The following MAML3 variants were observed in gnomAD, a reference collection of about 807,000 sequenced individuals.
MAML3 encodes the protein mastermind-like protein 3.
MAML3 carries 27 observed loss-of-function variants against 101.9 expected under a neutral mutation model. The observed-to-expected ratio is 0.27, with a 90% CI of 0.20 to 0.37. The LOEUF (loss-of-function observed/expected upper bound fraction) is 0.37. MAML3 is among the 10% of genes least tolerant of loss of function. MAML3 has a pLI of 1.00. For missense variants in MAML3, 1,316 were observed against 1,444.9 expected (o/e 0.91, Z 1.45); for synonymous variants, 501 against 555.9 (o/e 0.90, Z 1.39).
intron 1 of MAML3, among the ~76,000 whole-genome samples, chr4:140,085,885 G>T (rs961757685): frequency 6.6e-6 from 1 of 152,054 alleles, no homozygotes; most frequent in African/African-American, 2.4e-5. Context: ...TTTTATATCT[G>T]TGGCCATTTG....
chr4:139,765,303 TTGC>T (rs1729836225), intron 2 of MAML3, among the ~76,000 whole-genome samples: 1 of 152,260 alleles, frequency 6.6e-6, no homozygotes, highest in Admixed American at 6.5e-5. Flanking sequence ...ATGAAATTAC[TTGC>T]TGTTTTAGGA....
intron 2 of MAML3, among the ~76,000 whole-genome samples, chr4:139,798,723 T>C (rs951624677): frequency 1.3e-5 from 2 of 152,218 alleles, no homozygotes; most frequent in Non-Finnish European, 1.5e-5. Context: ...GTACAGATGG[T>C]AGAAACCCTC....
chr4:139,720,469 A>C, intron 4 of MAML3, 146 bp from the exon 5 acceptor site: 1 of 787,744 alleles, frequency 1.3e-6, no homozygotes, highest in Non-Finnish European at 1.8e-6. Flanking sequence ...AAAAATGATT[A>C]TTTTTCTGAT....
intron 2 of MAML3, among the ~76,000 whole-genome samples, chr4:139,802,936 T>C (rs767603516): frequency 3.3e-5 from 5 of 152,256 alleles, no homozygotes; most frequent in Non-Finnish European, 5.9e-5. Flanking sequence ...AAATATCTTA[T>C]ACCTAATTTT....
chr4:140,129,763 G>A (rs571396805), intron 1 of MAML3, among the ~76,000 whole-genome samples: 23 of 152,124 alleles, frequency 1.5e-4, no homozygotes, highest in South Asian at 8.3e-4. Flanking sequence ...TCAAGAAATC[G>A]AGACCAGCCT....
intron 2 of MAML3, among the ~76,000 whole-genome samples, chr4:139,789,123 C>T (rs978422317): frequency 6.6e-6 from 1 of 152,136 alleles, no homozygotes; most frequent in East Asian, 1.9e-4. Context: ...CAGGCCAATT[C>T]GTTGTATTTG....
At chr4:139,869,259 A>G (rs1413346883) in intron 2 of MAML3, among the ~76,000 whole-genome samples, 1 of 152,250 alleles carries the variant, frequency 6.6e-6, no homozygotes, top group Admixed American at 6.5e-5. Context: ...CAGAAGGTAC[A>G]TGATACTGGG....
At chr4:139,783,277 T>A (rs1560793021) in intron 2 of MAML3, among the ~76,000 whole-genome samples, 1 of 152,216 alleles carries the variant, frequency 6.6e-6, no homozygotes, top group Non-Finnish European at 1.5e-5. Context: ...ATTTCTTTGC[T>A]CTAACCTCAT....
intron 1 of MAML3, among the ~76,000 whole-genome samples, chr4:139,947,204 T>A (rs1733747278): frequency 6.6e-6 from 1 of 152,204 alleles, no homozygotes; most frequent in Non-Finnish European, 1.5e-5. Flanking sequence ...TTTCTTAAAA[T>A]CTTCGGTAGA....
At chr4:139,781,596 C>T (rs1283767165) in intron 2 of MAML3, among the ~76,000 whole-genome samples, 5 of 151,288 alleles carry the variant, frequency 3.3e-5, no homozygotes, top group Admixed American at 2.7e-4. Context: ...CTGCATTAGG[C>T]AGGATTAACT....
At chr4:140,121,268 G>A (rs981733979) in intron 1 of MAML3, among the ~76,000 whole-genome samples, 3 of 152,118 alleles carry the variant, frequency 2.0e-5, no homozygotes, top group Non-Finnish European at 4.4e-5. Context: ...ACTTACCATG[G>A]CCAAGGTGAA....
rs185129581 is a variant in MAML3, at chr4:139,780,508, G to A, written c.2080-49841C>T. On this transcript the variant is annotated intron_variant, in intron 2 of 4. Transcript: ENST00000509479. ...CCAAACTCCAGAAGACAGGTGGAATGCTTTACCTTGTATTTTCCCCCTTTT... is the reference window on the plus strand; with the variant it reads ...CCAAACTCCAGAAGACAGGTGGAATACTTTACCTTGTATTTTCCCCCTTTT... 5.9e-5 allele frequency among the ~76,000 whole-genome samples: 9 copies of A among 152,170 alleles called. No individual in the cohort carries two copies. The East Asian group carries it at 1.7e-3, about 29-fold the overall frequency.
intron 1 of MAML3, among the ~76,000 whole-genome samples, chr4:139,935,026 C>CTTAA (rs2110732129): frequency 6.6e-6 from 1 of 152,204 alleles, no homozygotes; most frequent in Admixed American, 6.5e-5. Flanking sequence ...TTGCCAGCTA[C>CTTAA]TTAATGTCTT....
chr4:139,980,342 C>T (rs1734422648), intron 1 of MAML3, among the ~76,000 whole-genome samples: 1 of 152,204 alleles, frequency 6.6e-6, no homozygotes, highest in Admixed American at 6.5e-5. Flanking sequence ...TCTGCATACA[C>T]ACCTCCTTTG....
At chr4:140,108,305 C>T (rs1230602922) in intron 1 of MAML3, among the ~76,000 whole-genome samples, 2 of 151,926 alleles carry the variant, frequency 1.3e-5, no homozygotes, top group East Asian at 3.9e-4. Context: ...CAGGCTGTCC[C>T]CTGCTTCGTG....
chr4:139,904,149 GA>G (rs1732774945), intron 1 of MAML3, among the ~76,000 whole-genome samples: 1 of 152,214 alleles, frequency 6.6e-6, no homozygotes, highest in Non-Finnish European at 1.5e-5. Context: ...GGCCTCAGAA[GA>G]AACCATCCCA....
At chr4:140,018,608 T>C (rs1726685393) in intron 1 of MAML3, among the ~76,000 whole-genome samples, 1 of 152,226 alleles carries the variant, frequency 6.6e-6, no homozygotes, top group African/African-American at 2.4e-5. Context: ...TTACTTTTTT[T>C]CCATTCATTC....
At position 139,863,832 on chromosome 4, in the gene MAML3, GT is replaced by G. The variant is rs58270046; in HGVS notation, c.2079+25524del. The stretch of plus-strand genomic sequence containing the variant: ...TTTCTGTGGTAATACCAGAACATGG[GT>G]TTTTTTTTTTTTTTTTTTTTTTTGT... On this transcript the variant is annotated intron_variant, in intron 2 of 4. Coordinates refer to ENST00000509479, the MANE Select transcript of MAML3 (RefSeq NM_018717.5). 5.6e-3 allele frequency among the ~76,000 whole-genome samples: 626 copies of G among 111,144 alleles called. 14 individuals are homozygous for G. The Admixed American group carries it at 0.059, about 10-fold the overall frequency. 72.9% of individuals were successfully genotyped at this position (111,144 alleles called of 152,430 possible).
At chr4:140,069,689 AAAG>A (rs34916654) in intron 1 of MAML3, among the ~76,000 whole-genome samples, 38,327 of 151,310 alleles carry the variant, frequency 0.25, 5,595 homozygotes, top group East Asian at 0.32. Flanking sequence ...AAAAAGAAAG[AAAG>A]AAGAAGAAGA....
Sources: allele counts gnomAD v4.1 joint callset (sites outside exome capture counted in the v4.1 genomes callset), GRCh38; gene constraint gnomAD v4.1.1; transcripts MANE v1.5; gene names NCBI Gene and HGNC (gene_info 2026-07-23, HGNC 2026-07-21).